The following MTFMT variants were observed in gnomAD, a reference collection of about 807,000 sequenced individuals.
MTFMT encodes the protein mitochondrial methionyl-tRNA formyltransferase, also known as methionyl-tRNA formyltransferase, mitochondrial.
MTFMT carries 47 observed loss-of-function variants against 51.8 expected under a neutral mutation model. The observed-to-expected ratio is 0.91, with a 90% CI of 0.72 to 1.16. The LOEUF (loss-of-function observed/expected upper bound fraction) is 1.16, where lower values mean the gene tolerates loss of function less well. Ranked by LOEUF, MTFMT falls within the 50% of genes most tolerant of loss-of-function variation. The probability of loss-of-function intolerance (pLI) is 0.00; values close to 1 mark genes in which losing one functional copy is unlikely to be tolerated. For synonymous variants in MTFMT, 196 were observed against 176.7 expected, an observed-to-expected ratio of 1.11 and a Z score of -0.87; for missense variants, 512 against 482.3, an observed-to-expected ratio of 1.06 and a Z score of -0.58.
chr15:65,023,201 T>C (rs1469114183), intron 3 of MTFMT, among the ~76,000 whole-genome samples: 1 of 152,162 alleles, frequency 6.6e-6, no homozygotes, highest in African/African-American at 2.4e-5. Flanking sequence ...TTGTTCTAAA[T>C]TGTTTCTAAA....
chr15:65,025,130 C>T (rs1161834782), intron 2 of MTFMT, among the ~76,000 whole-genome samples: 1 of 150,780 alleles, frequency 6.6e-6, no homozygotes, highest in Non-Finnish European at 1.5e-5. Flanking sequence ...TACAGTGGCT[C>T]ATGCCTGTAA....
chr15:65,006,578 A>G (rs536101624), intron 6 of MTFMT, among the ~76,000 whole-genome samples: 38 of 152,144 alleles, frequency 2.5e-4, no homozygotes, highest in African/African-American at 6.5e-4. Context: ...GGGTTTCACC[A>G]TGTTAGCCAC....
intron 7 of MTFMT, 37 bp downstream of exon 7, chr15:65,006,076 A>T: frequency 6.8e-7 from 1 of 1,474,210 alleles, no homozygotes; most frequent in Non-Finnish European, 9.5e-7. Flanking sequence ...CACTACAGTG[A>T]AAACAGCTTC....
intron 6 of MTFMT, among the ~76,000 whole-genome samples, chr15:65,010,581 A>G (rs2086256133): frequency 6.6e-6 from 1 of 152,144 alleles, no homozygotes. Context: ...ATGGCTATAT[A>G]CCACATTTTT....
chr15:65,015,677 A>C lies in MTFMT; in HGVS notation c.813+759T>G, dbSNP rs1321505341. Among the ~76,000 whole-genome samples the C allele has an allele frequency of 2.0e-5, 3 of 152,176 alleles. No homozygotes were observed. In the East Asian group the frequency reaches 5.8e-4, roughly 29 times the overall value. On this transcript the variant is annotated intron_variant, in intron 6 of 8. Transcript: ENST00000220058. ...CATGGCAAAACCTCGTCTCTACAAA[A>C]AAATACAAAAATTAGCCAGGTGTGG...
Position 65,023,740 on chromosome 15 carries a change from A to C in MTFMT, c.474T>G (p.Pro158=), listed in dbSNP as rs1452181015. Residue 158 remains proline, a synonymous_variant, in exon 3 of 9, where the codon CCT becomes CCG. Transcript: ENST00000220058. ...SCLPRWRGPA[P]VIHTVLHGDT... ...CTCCGTGAAGCACTGTATGGATTACAGGGGCTGGGCCACGCCATCTCGGGA... is the reference window on the plus strand; with the variant it reads ...CTCCGTGAAGCACTGTATGGATTACCGGGGCTGGGCCACGCCATCTCGGGA... The C allele has an allele frequency of 6.2e-7, 1 of 1,613,554 alleles. No homozygotes were observed. The highest frequency in any genetic ancestry group is 1.3e-5 in the African/African-American group (1 of 74,938).
At chr15:65,015,241 C>T (rs1010886169) in intron 6 of MTFMT, among the ~76,000 whole-genome samples, 1 of 152,066 alleles carries the variant, frequency 6.6e-6, no homozygotes, top group Admixed American at 6.6e-5. Flanking sequence ...CACTGTCTGG[C>T]CCTATGGTCC....
At chr15:65,007,037 C>T (rs1244266040) in intron 6 of MTFMT, among the ~76,000 whole-genome samples, 3 of 152,112 alleles carry the variant, frequency 2.0e-5, no homozygotes, top group African/African-American at 4.8e-5. Context: ...ATCAAGGTGG[C>T]GTGGCTCAGA....
rs59383157 is a variant in MTFMT at position 65,013,537 on chromosome 15, C to T, written c.813+2899G>A. On this transcript the variant is annotated intron_variant, in intron 6 of 8. Transcript: ENST00000220058. The stretch of plus-strand genomic sequence containing the variant: ...TACATGTGTTGGATTTTGTCAAATG[C>T]TTTTTCTGCATCTATTGAGACAGTG... Among the ~76,000 whole-genome samples, 71 of 152,244 alleles carry T rather than the reference C, an allele frequency of 4.7e-4. 1 individual carries two copies. The East Asian group carries it at 0.014, about 29-fold the overall frequency.
intron 6 of MTFMT, among the ~76,000 whole-genome samples, chr15:65,008,895 A>G (rs565494747): frequency 1.3e-5 from 2 of 152,356 alleles, no homozygotes; most frequent in East Asian, 3.9e-4. Context: ...CATGCTAGGT[A>G]CATACTCAGA....
chr15:65,026,795 G>A, intron 2 of MTFMT, 36 bp downstream of exon 2: 1 of 1,546,418 alleles, frequency 6.5e-7, no homozygotes, highest in Non-Finnish European at 8.9e-7. Context: ...AAAGACCAAG[G>A]TTTCTATACT....
At chr15:65,006,226 A>G (rs1223740409) in intron 6 of MTFMT, 35 bp from the exon 7 acceptor site, 1 of 1,531,558 alleles carries the variant, frequency 6.5e-7, no homozygotes, top group Non-Finnish European at 9.0e-7. Flanking sequence ...TGATAAAGGA[A>G]TACACTCAAC....
intron 5 of MTFMT, among the ~76,000 whole-genome samples, chr15:65,019,135 C>A (rs1438402999): frequency 6.6e-6 from 1 of 152,188 alleles, no homozygotes; most frequent in African/African-American, 2.4e-5. Flanking sequence ...AATTACCCCA[C>A]AGATTACCTG....
chr15:65,029,344 C>A (rs2086458322), intron 1 of MTFMT, 61 bp downstream of exon 1: 2 of 1,349,206 alleles, frequency 1.5e-6, no homozygotes, highest in Admixed American at 4.0e-5. Flanking sequence ...TCGGGGCCGG[C>A]CGCCCGGGCG....
chr15:65,026,391 C>T (rs1386484991), intron 2 of MTFMT: 2 of 220,204 alleles, frequency 9.1e-6, no homozygotes, highest in Non-Finnish European at 1.9e-5. Context: ...AATTGTGAAA[C>T]GTGTACCATA....
rs768884218 is a variant in MTFMT, at chr15:65,003,845, C to CAAAAAAAAAAAA, written c.976-601_976-590dup. 5.3e-3 allele frequency among the ~76,000 whole-genome samples: 216 copies of CAAAAAAAAAAAA among 40,636 alleles called. 19 individuals are homozygous for CAAAAAAAAAAAA. Among genetic ancestry groups the CAAAAAAAAAAAA allele is most frequent in the African/African-American group, 0.011 (124 of 11,106 alleles). The allele number at this position is 40,636 out of a possible 152,430, so 26.7% of individuals were successfully genotyped here. A position where few individuals can be genotyped will look rare whatever the true frequency, so the allele number is the denominator to read the frequency against. The stretch of plus-strand genomic sequence containing the variant: ...CACTCCAGCCTGGGCAACTCCATCT[C>CAAAAAAAAAAAA]AAAAAAAAAAAAAAAAAAAAAGGGA... On this transcript the variant is annotated intron_variant, in intron 8 of 8. Coordinates refer to ENST00000220058, the MANE Select transcript of MTFMT (RefSeq NM_139242.4).
At chr15:65,012,036 A>G (rs978701160) in intron 6 of MTFMT, among the ~76,000 whole-genome samples, 11 of 149,230 alleles carry the variant, frequency 7.4e-5, no homozygotes, top group Admixed American at 2.7e-4. Context: ...ATAGGGTCCA[A>G]ATTCATTCTT....
At chr15:65,020,652 C>T (rs899711246) in intron 4 of MTFMT, among the ~76,000 whole-genome samples, 2 of 152,184 alleles carry the variant, frequency 1.3e-5, no homozygotes, top group African/African-American at 4.8e-5. Context: ...GGCAGTGAAA[C>T]CTCACAGGAC....
At chr15:65,018,293 A>C (rs991489667) in intron 5 of MTFMT, among the ~76,000 whole-genome samples, 2 of 152,142 alleles carry the variant, frequency 1.3e-5, no homozygotes, top group African/African-American at 4.8e-5. Context: ...ATATATTCTA[A>C]GGATCAAAAA....
Sources: gnomAD v4.1 joint callset for allele counts (sites outside exome capture counted in the v4.1 genomes callset) on GRCh38, gnomAD v4.1.1 for gene constraint, MANE v1.5 for transcripts, NCBI Gene and HGNC (gene_info 2026-07-23, HGNC 2026-07-21) for gene names.